The following SERBP1 variants were observed in gnomAD, a reference collection of about 807,000 sequenced individuals.
SERBP1 encodes SERPINE1 mRNA-binding protein 1.
A neutral mutation model predicts 50.2 loss-of-function variants in SERBP1; 6 were observed. That is an observed-to-expected ratio of 0.12 (90% CI 0.07 to 0.24). The LOEUF is 0.24. Ranked by LOEUF, SERBP1 falls within the 10% of genes least tolerant of loss-of-function variation. SERBP1 has a pLI of 1.00. For synonymous variants in SERBP1, 168 were observed against 182.8 expected (o/e 0.92, Z 0.65); for missense variants, 346 against 524.9 (o/e 0.66, Z 3.33).
intron 5 of SERBP1, among the ~76,000 whole-genome samples, chr1:67,421,977 T>C (rs1557504664): frequency 6.6e-6 from 1 of 152,178 alleles, no homozygotes. Flanking sequence ...ATGAGAAACT[T>C]AACGTTGCAT....
chr1:67,430,296 G>A lies in SERBP1; in HGVS notation c.5C>T (p.Pro2Leu), dbSNP rs758881166. 5 of 1,502,614 alleles carry A rather than the reference G, an allele frequency of 3.3e-6. No homozygotes were observed. Among genetic ancestry groups the A allele is most frequent in the Admixed American group, 2.4e-5 (1 of 41,850 alleles). The allele number at this position is 1,502,614 out of a possible 1,614,324, so 93.1% of individuals were successfully genotyped here. M[P>L]GHLQEGFGCV... ...GCCGAAGCCTTCCTGTAAGTGCCCA[G>A]GCATGATGGTGGCTCGGCGGCGCGT... is the stretch of plus-strand genomic sequence containing the variant. The change falls in exon 1 of 8, where the codon CCT becomes CTT. Residue 2 changes from proline (P) to leucine (L), a missense_variant. By Grantham distance (98) the Pro-to-Leu change is moderately conservative (BLOSUM62 -3). Coordinates refer to ENST00000361219, the MANE Select transcript of SERBP1 (RefSeq NM_001018069.2).
chr1:67,413,952 T>C (rs1666923694), intron 7 of SERBP1, among the ~76,000 whole-genome samples: 1 of 151,986 alleles, frequency 6.6e-6, no homozygotes, highest in Non-Finnish European at 1.5e-5. Context: ...GTTACAGGGA[T>C]GTGCCACCAC....
intron 6 of SERBP1, among the ~76,000 whole-genome samples, chr1:67,418,092 C>T (rs1667082546): frequency 6.8e-6 from 1 of 146,948 alleles, no homozygotes; most frequent in Admixed American, 7.0e-5. Context: ...TCTCCTGCCT[C>T]AGCCTCCTGA....
At chr1:67,423,644 T>C (rs1050289464) in intron 5 of SERBP1, among the ~76,000 whole-genome samples, 1 of 151,656 alleles carries the variant, frequency 6.6e-6, no homozygotes, top group African/African-American at 2.4e-5. Context: ...GTGAATAACA[T>C]ACTCTGATCT....
At chr1:67,413,585 G>A (rs1666908456) in intron 7 of SERBP1, among the ~76,000 whole-genome samples, 1 of 149,906 alleles carries the variant, frequency 6.7e-6, no homozygotes, top group Non-Finnish European at 1.5e-5. Context: ...GGAGGCAAGG[G>A]TTGCAGTGAG....
At chr1:67,428,735 C>CAAAAAA (rs34354137) in intron 1 of SERBP1, among the ~76,000 whole-genome samples, 7 of 85,754 alleles carry the variant, frequency 8.2e-5, no homozygotes, top group African/African-American at 1.8e-4. Context: ...CAAAAGTCCT[C>CAAAAAA]AAAAAAAAAA....
At chr1:67,421,619 ATAAT>A (rs1667200041) in intron 5 of SERBP1, among the ~76,000 whole-genome samples, 4 of 152,320 alleles carry the variant, frequency 2.6e-5, no homozygotes, top group Admixed American at 2.6e-4. Flanking sequence ...GTAAACAGTT[ATAAT>A]CTTTGCATAT....
In SERBP1 at chr1:67,421,668, T is replaced by C. The variant is rs543816453; in HGVS notation, c.774-1482A>G. Among the ~76,000 whole-genome samples, 74 of 152,162 alleles carry C rather than the reference T, an allele frequency of 4.9e-4. 1 individual carries two copies. Among genetic ancestry groups the C allele is most frequent in the Non-Finnish European group, 7.8e-4 (53 of 68,026 alleles). On this transcript the variant is annotated intron_variant, in intron 5 of 7. Coordinates refer to ENST00000361219, the MANE Select transcript of SERBP1 (RefSeq NM_001018069.2). The stretch of plus-strand genomic sequence containing the variant: ...ATTGAACATGGGCTCTATTAAACAG[T>C]TGTGGTTGGACACGGTGGCTCACAC...
chr1:67,428,077 TAC>T (rs1190265635), intron 1 of SERBP1, among the ~76,000 whole-genome samples: 1 of 152,236 alleles, frequency 6.6e-6, no homozygotes, highest in Non-Finnish European at 1.5e-5. Context: ...CGACTTTGTT[TAC>T]AGATTTATTC....
chr1:67,428,735 C>CAAA (rs34354137), intron 1 of SERBP1, among the ~76,000 whole-genome samples: 104 of 85,736 alleles, frequency 1.2e-3, no homozygotes, highest in East Asian at 2.3e-3. Context: ...CAAAAGTCCT[C>CAAA]AAAAAAAAAA....
Position 67,430,386 on chromosome 1 carries a change from T to G in SERBP1, c.-86A>C. ...GCCTGCTTCAGCTCTTCCCACAAGA[T>G]GGCCGGGCCGAGAGAGGGGGGCCGT... is the stretch of plus-strand genomic sequence containing the variant. On this transcript the variant is annotated 5_prime_UTR_variant, in exon 1 of 8. Coordinates refer to ENST00000361219, the MANE Select transcript of SERBP1 (RefSeq NM_001018069.2). 7.2e-7 allele frequency: 1 copy of G among 1,398,276 alleles called. No individual in the cohort carries two copies. Among genetic ancestry groups the G allele is most frequent in the Admixed American group, 2.5e-5 (1 of 39,524 alleles). 86.6% of individuals were successfully genotyped at this position (1,398,276 alleles called of 1,614,324 possible).
rs988532772 is a variant in SERBP1 at position 67,409,921 on chromosome 1, A to C, written c.*3286T>G. 2.6e-5 allele frequency: 4 copies of C among 152,232 alleles called. No individual in the cohort carries two copies. The highest frequency in any genetic ancestry group is 9.6e-5 in the African/African-American group (4 of 41,470). 9.4% of individuals were successfully genotyped at this position (152,232 alleles called of 1,614,324 possible). On this transcript the variant is annotated 3_prime_UTR_variant, in exon 8 of 8. Transcript: ENST00000361219. ...ATAATGAAGTTTCTGGGCTTTTCTT[A>C]GTTAACCTGAAGATCTCGCTGGTAC...
chr1:67,420,213 C>G, intron 5 of SERBP1, 27 bp from the exon 6 acceptor site: 1 of 1,537,732 alleles, frequency 6.5e-7, no homozygotes, highest in Non-Finnish European at 8.9e-7. Context: ...AAGTTTTATA[C>G]CTGGTAGAGA....
In SERBP1 at chr1:67,411,673, T is replaced by C. The variant is rs1352741126; in HGVS notation, c.*1534A>G. On this transcript the variant is annotated 3_prime_UTR_variant, in exon 8 of 8. Coordinates refer to ENST00000361219, the MANE Select transcript of SERBP1 (RefSeq NM_001018069.2). ...ATAACATAAAAGTTTCTTTTAGAAG[T>C]ATATGTGAGAACCAATCAGCTAAAT... 6.6e-6 allele frequency: 1 copy of C among 152,178 alleles called. No homozygotes were observed. Among genetic ancestry groups the C allele is most frequent in the East Asian group, 1.9e-4 (1 of 5,204 alleles). 9.4% of individuals were successfully genotyped at this position (152,178 alleles called of 1,614,324 possible). A position where few individuals can be genotyped will look rare whatever the true frequency, so the allele number is the denominator to read the frequency against.
Position 67,424,226 on chromosome 1 carries a change from A to G in SERBP1, c.747T>C (p.His249=), listed in dbSNP as rs374906166. The G allele has an allele frequency of 5.6e-6, 9 of 1,611,938 alleles. No individual in the cohort carries two copies. Among genetic ancestry groups the G allele is most frequent in the Non-Finnish European group, 6.8e-6 (8 of 1,179,272 alleles). Residue 249 remains histidine, a synonymous_variant, in exon 5 of 8, where the codon CAT becomes CAC. Transcript: ENST00000361219. ...VTEETPEGEE[H]HPVADTENKE... is the part of the protein sequence containing the mutation. ...TATTTTCAGTGTCTGCCACTGGATG[A>G]TGTTCTTCACCTTCAGGTGTTTCCT...
rs1343940094 is a variant in SERBP1 at position 67,408,289 on chromosome 1, T to C, written c.*4918A>G. The C allele has an allele frequency of 6.6e-6, 1 of 152,204 alleles. No individual in the cohort carries two copies. Among genetic ancestry groups the C allele is most frequent in the East Asian group, 1.9e-4 (1 of 5,208 alleles). The allele number at this position is 152,204 out of a possible 1,614,324, so 9.4% of individuals were successfully genotyped here. Reference sequence around the variant, plus strand: ...CAAAGTTACCACCAGGCATCTTTTATATATACTTTCTTGCATATACAAGTC... The same window carrying C: ...CAAAGTTACCACCAGGCATCTTTTACATATACTTTCTTGCATATACAAGTC... On this transcript the variant is annotated 3_prime_UTR_variant, in exon 8 of 8. Coordinates refer to ENST00000361219, the MANE Select transcript of SERBP1 (RefSeq NM_001018069.2).
intron 6 of SERBP1, 167 bp downstream of exon 6, chr1:67,419,842 A>C (rs1027775798): frequency 3.3e-6 from 2 of 610,552 alleles, no homozygotes; most frequent in Admixed American, 6.6e-5. Context: ...TTCTTAGAAT[A>C]TGTGATAATA....
At chr1:67,415,105 C>G in intron 7 of SERBP1, 61 bp downstream of exon 7, 1 of 1,478,462 alleles carries the variant, frequency 6.8e-7, no homozygotes, top group East Asian at 2.4e-5. Context: ...AAGTCTGACC[C>G]AGCCAGTGAC....
intron 7 of SERBP1, among the ~76,000 whole-genome samples, chr1:67,413,719 C>CA (rs979231264): frequency 2.0e-5 from 3 of 151,462 alleles, no homozygotes; most frequent in African/African-American, 7.3e-5. Context: ...TTATGGATCA[C>CA]AAAAAAACTA....
Sources: gnomAD v4.1 joint callset for allele counts (sites outside exome capture counted in the v4.1 genomes callset) on GRCh38, gnomAD v4.1.1 for gene constraint, MANE v1.5 for transcripts, NCBI Gene and HGNC (gene_info 2026-07-23, HGNC 2026-07-21) for gene names.